ZNF804B: variants seen among roughly 807,000 people sequenced by gnomAD.
ZNF804B encodes zinc finger protein 804B.
A neutral mutation model predicts 101.4 loss-of-function variants in ZNF804B; 80 were observed. The observed-to-expected ratio is 0.79, with a 90% confidence interval of 0.66 to 0.95. The LOEUF is 0.95. ZNF804B is among the 40% of genes least tolerant of loss of function. ZNF804B has a pLI of 0.00. For missense variants in ZNF804B, 1,673 were observed against 1,561.9 expected (o/e 1.07, Z -1.20); for synonymous variants, 622 against 558.8 (o/e 1.11, Z -1.59).
At chr7:88,802,720 G>GAA (rs202067013) in intron 1 of ZNF804B, among the ~76,000 whole-genome samples, 7,984 of 143,512 alleles carry the variant, frequency 0.056, 387 homozygotes, top group East Asian at 0.27. Flanking sequence ...TAATGAACAG[G>GAA]AAAAAAAAAA....
rs1207989845 is a variant in ZNF804B, at chr7:89,335,744, C to T, written c.2762C>T (p.Thr921Ile). ...TCAAACACTGCAGAAGGAGAGAGGA[C>T]CCCTCTAACAGCAAAAATCCTTTTA... is the stretch of plus-strand genomic sequence containing the variant. ...TESNTAEGER[T>I]PLTAKILLER... The change falls in exon 4 of 4, where the codon ACC becomes ATC. Residue 921 changes from threonine (T) to isoleucine (I), a missense_variant. Thr to Ile is a moderately conservative substitution (Grantham distance 89). Coordinates refer to ENST00000333190, the MANE Select transcript of ZNF804B (RefSeq NM_181646.5). 2 of 1,613,876 alleles carry T rather than the reference C, an allele frequency of 1.2e-6. No individual in the cohort carries two copies. The highest frequency in any genetic ancestry group is 1.3e-5 in the African/African-American group (1 of 74,884).
chr7:88,857,906 C>A (rs1432341259), intron 1 of ZNF804B, among the ~76,000 whole-genome samples: 2 of 143,122 alleles, frequency 1.4e-5, no homozygotes, highest in African/African-American at 2.6e-5. Flanking sequence ...TCACTGCAAC[C>A]TCCACCTCCC....
intron 1 of ZNF804B, among the ~76,000 whole-genome samples, chr7:88,764,784 A>T (rs969855494): frequency 2.0e-5 from 3 of 152,162 alleles, no homozygotes; most frequent in African/African-American, 7.2e-5. Context: ...TGCACTTTTC[A>T]AGTGCAAAAT....
intron 1 of ZNF804B, among the ~76,000 whole-genome samples, chr7:88,991,954 T>C (rs1480377536): frequency 2.0e-5 from 3 of 152,310 alleles, no homozygotes; most frequent in Non-Finnish European, 4.4e-5. Context: ...TTGGCATTTC[T>C]CTTTCTCTAC....
intron 1 of ZNF804B, among the ~76,000 whole-genome samples, chr7:89,028,946 C>T (rs17303604): frequency 0.24 from 35,969 of 152,034 alleles, 5,108 homozygotes; most frequent in Non-Finnish European, 0.31. Flanking sequence ...CACTTATTTA[C>T]AGGAATTGAT....
At chr7:89,325,386 T>G (rs1790882291) in intron 2 of ZNF804B, among the ~76,000 whole-genome samples, 1 of 152,038 alleles carries the variant, frequency 6.6e-6, no homozygotes, top group African/African-American at 2.4e-5. Flanking sequence ...ACACCCTTAT[T>G]AAGAAACTCA....
At chr7:89,205,051 T>A (rs963659282) in intron 1 of ZNF804B, among the ~76,000 whole-genome samples, 1 of 152,160 alleles carries the variant, frequency 6.6e-6, no homozygotes, top group East Asian at 1.9e-4. Flanking sequence ...AGCAAGGTCA[T>A]GTCTTACATG....
intron 1 of ZNF804B, among the ~76,000 whole-genome samples, chr7:89,202,528 G>A (rs1788657522): frequency 6.6e-6 from 1 of 152,040 alleles, no homozygotes; most frequent in Non-Finnish European, 1.5e-5. Context: ...TAAATATGTT[G>A]TTAAATAGAC....
chr7:89,050,710 C>A (rs1313494827), intron 1 of ZNF804B, among the ~76,000 whole-genome samples: 1 of 152,060 alleles, frequency 6.6e-6, no homozygotes, highest in Admixed American at 6.6e-5. Flanking sequence ...TTTTCTTCCT[C>A]TTTCTGCTTT....
At chr7:88,771,713 G>A (rs11771621) in intron 1 of ZNF804B, among the ~76,000 whole-genome samples, 1,580 of 152,214 alleles carry the variant, frequency 0.01, 16 homozygotes, top group Middle Eastern at 0.02. Flanking sequence ...ATTATATGAA[G>A]AGTGACATCT....
chr7:89,105,488 T>G (rs373903857), intron 1 of ZNF804B, among the ~76,000 whole-genome samples: 2 of 151,978 alleles, frequency 1.3e-5, no homozygotes, highest in African/African-American at 2.4e-5. Flanking sequence ...CCTACCCTTA[T>G]ATGCATTCTT....
chr7:88,977,926 T>C (rs926445392), intron 1 of ZNF804B, among the ~76,000 whole-genome samples: 1 of 151,726 alleles, frequency 6.6e-6, no homozygotes, highest in Non-Finnish European at 1.5e-5. Flanking sequence ...TTGTGTGTTG[T>C]GTTTTGATTT....
intron 2 of ZNF804B, among the ~76,000 whole-genome samples, chr7:89,306,629 G>A (rs974093855): frequency 2.0e-5 from 3 of 151,920 alleles, no homozygotes; most frequent in Admixed American, 6.6e-5. Flanking sequence ...AAATATTTCC[G>A]AAGGCAACAA....
chr7:89,327,214 A>T, intron 2 of ZNF804B, 130 bp from the exon 3 acceptor site: 1 of 760,004 alleles, frequency 1.3e-6, no homozygotes, highest in African/African-American at 1.8e-5. Flanking sequence ...ACAATGGAGA[A>T]GATACTTTTA....
intron 1 of ZNF804B, among the ~76,000 whole-genome samples, chr7:88,785,998 T>C (rs1184323817): frequency 6.6e-6 from 1 of 152,024 alleles, no homozygotes; most frequent in Non-Finnish European, 1.5e-5. Flanking sequence ...ATGTCTGGGG[T>C]GAAGGGAGAA....
At chr7:88,882,536 G>T (rs181073577) in intron 1 of ZNF804B, among the ~76,000 whole-genome samples, 11 of 152,216 alleles carry the variant, frequency 7.2e-5, no homozygotes, top group African/African-American at 2.2e-4. Context: ...ATACCCAAAA[G>T]AAAATAAATT....
At chr7:89,166,786 G>A (rs538714600) in intron 1 of ZNF804B, among the ~76,000 whole-genome samples, 4 of 152,288 alleles carry the variant, frequency 2.6e-5, no homozygotes, top group African/African-American at 7.2e-5. Context: ...AACTTCCCAA[G>A]TGGAGATGAT....
chr7:88,843,907 C>A (rs972501853), intron 1 of ZNF804B, among the ~76,000 whole-genome samples: 1 of 151,946 alleles, frequency 6.6e-6, no homozygotes, highest in Non-Finnish European at 1.5e-5. Context: ...AAAATAAACT[C>A]TTTTAACAAT....
intron 1 of ZNF804B, among the ~76,000 whole-genome samples, chr7:88,847,946 T>C (rs73705555): frequency 0.014 from 2,132 of 152,320 alleles, 51 homozygotes; most frequent in African/African-American, 0.048. Context: ...TGAAAAACCA[T>C]GATTCACAGA....
Sources: allele counts gnomAD v4.1 joint callset (sites outside exome capture counted in the v4.1 genomes callset), GRCh38; gene constraint gnomAD v4.1.1; transcripts MANE v1.5; gene names NCBI Gene and HGNC (gene_info 2026-07-23, HGNC 2026-07-21).